The following AGAP2 variants were observed in gnomAD, a reference collection of about 807,000 sequenced individuals.
AGAP2 encodes the protein ArfGAP with GTPase domain, ankyrin repeat and PH domain 2, also known as arf-GAP with GTPase, ANK repeat and PH domain-containing protein 2.
A neutral mutation model predicts 110.9 loss-of-function variants in AGAP2; 32 were observed. That is an observed-to-expected ratio of 0.29 (90% CI 0.22 to 0.39). The LOEUF is 0.39. AGAP2 is among the 10% of genes least tolerant of loss of function. The pLI, the probability that AGAP2 is intolerant of heterozygous loss-of-function variation, is 1.00. For missense variants in AGAP2, 1,285 were observed against 1,638.5 expected (o/e 0.78, Z 3.72); for synonymous variants, 702 against 713.0 (o/e 0.98, Z 0.25).
Position 57,726,944 on chromosome 12 carries a change from G to A in AGAP2, c.3336+30C>T. On this transcript the variant is annotated intron_variant, in intron 18 of 18. Coordinates refer to ENST00000547588, the MANE Select transcript of AGAP2 (RefSeq NM_001122772.3). The surrounding 1 kb of genome is among the most constrained non-coding windows in gnomAD (Gnocchi z 5.7). ...GCGTTTTCCGAGATGAAGCCTCAAA[G>A]ACCCCCTTTCCTCCCCCCAGCTCAC... is the stretch of plus-strand genomic sequence containing the variant. The A allele has an allele frequency of 6.6e-7, 1 of 1,510,674 alleles. No individual in the cohort carries two copies. Among genetic ancestry groups the A allele is most frequent in the African/African-American group, 1.4e-5 (1 of 71,932 alleles). The allele number at this position is 1,510,674 out of a possible 1,614,324, so 93.6% of individuals were successfully genotyped here. A position where few individuals can be genotyped will look rare whatever the true frequency, so the allele number is the denominator to read the frequency against.
At chr12:57,724,277 T>C (rs1954728660), downstream of AGAP2, 1 of 152,254 alleles carries the variant, frequency 6.6e-6, no homozygotes, top group South Asian at 2.1e-4. Context: ...GAAGCAATTC[T>C]ACCCAAAGAT....
In AGAP2 at chr12:57,727,691, G is replaced by T. The variant is rs1404913612; in HGVS notation, c.2847C>A (p.Cys949Ter). The change falls in exon 16 of 19, where the codon TGC (cysteine) becomes TGA (stop). Residue 949 changes from cysteine (C) to a stop codon, truncating the protein, a stop_gained. Coordinates refer to ENST00000547588, the MANE Select transcript of AGAP2 (RefSeq NM_001122772.3). LOFTEE classifies it high-confidence loss of function. The part of the protein sequence containing the change: ...NAKGNSICVD[C>*]GAPNPTWASL... ...CCTCCTGGCACTCACTGGGGGCCCC[G>T]CAGTCCACGCAGATTGAATTCCCCT... is the stretch of plus-strand genomic sequence containing the variant. 1 of 1,605,994 alleles carries T rather than the reference G, an allele frequency of 6.2e-7. No homozygotes were observed.
rs1954914299 is a variant in AGAP2 at position 57,732,945 on chromosome 12, T to A, written c.1584A>T (p.Gly528=). The A allele has an allele frequency of 5.0e-6, 8 of 1,613,984 alleles. No homozygotes were observed. The East Asian group carries it at 1.8e-4, about 36-fold the overall frequency. Residue 528 remains glycine (G), a synonymous_variant, in exon 6 of 19, where the codon GGA becomes GGT. Coordinates refer to ENST00000547588, the MANE Select transcript of AGAP2 (RefSeq NM_001122772.3). ...RISASSPRVV[G]DARARALCAD... ...CGCACAGAGCTCTGGCACGAGCATC[T>A]CCCACCACCCGAGGGGAGGAAGCAC... is the stretch of plus-strand genomic sequence containing the variant.
intron 5 of AGAP2, 89 bp from the exon 6 acceptor site, chr12:57,733,068 A>C: frequency 6.5e-7 from 1 of 1,549,076 alleles, no homozygotes; most frequent in Non-Finnish European, 8.8e-7. Flanking sequence ...CTGGGCCCTC[A>C]GGCTGGGTCC....
chr12:57,727,176 G>A lies in AGAP2; in HGVS notation c.3134C>T (p.Ala1045Val), dbSNP rs1239530123. The A allele has an allele frequency of 1.9e-6, 3 of 1,609,906 alleles. No homozygotes were observed. Among genetic ancestry groups the A allele is most frequent in the Non-Finnish European group, 2.5e-6 (3 of 1,178,818 alleles). ...CGGCTCCTCCGAGGTGCTCAGCGGC[G>A]CCAGGAACAGTAGCTGCTCGTACTT... The part of the protein sequence containing the change: ...RAKYEQLLFL[A>V]PLSTSEEPLG... Residue 1045 changes from alanine to valine, a missense_variant, in exon 18 of 19, where the codon GCG (alanine) becomes GTG (valine). By Grantham distance (64) the Ala-to-Val change is moderately conservative. This residue lies in a region of AGAP2 where 201 missense variants were observed against 276.1 expected (regional missense o/e 0.73). Transcript: ENST00000547588.
In AGAP2 at chr12:57,727,201, T is replaced by C. The variant is rs1316799163; in HGVS notation, c.3109A>G (p.Lys1037Glu). The change falls in exon 18 of 19, where the codon AAG (lysine) becomes GAG (glutamate). Residue 1037 changes from lysine to glutamate, a missense_variant. Transcript: ENST00000547588. ...REERESWIRA[K>E]YEQLLFLAPL... ...GCCAGGAACAGTAGCTGCTCGTACT[T>C]GGCGCGAATCCACGACTCGCGCTCC... 1 of 1,611,688 alleles carries C rather than the reference T, an allele frequency of 6.2e-7. No homozygotes were observed. Among genetic ancestry groups the C allele is most frequent in the Non-Finnish European group, 8.5e-7 (1 of 1,179,588 alleles).
At chr12:57,741,922 G>A, upstream of AGAP2, 1 of 1,613,860 alleles carries the variant, frequency 6.2e-7, no homozygotes, top group Non-Finnish European at 8.5e-7. Flanking sequence ...CTCGAATGCT[G>A]TCCAATGAGG....
chr12:57,726,542 C>A lies in AGAP2; in HGVS notation c.*10G>T. 2 of 1,213,608 alleles carry A rather than the reference C, an allele frequency of 1.6e-6. No homozygotes were observed. The highest frequency in any genetic ancestry group is 3.9e-5 in the Admixed American group (1 of 25,534). 75.2% of individuals were successfully genotyped at this position (1,213,608 alleles called of 1,614,324 possible). On this transcript the variant is annotated 3_prime_UTR_variant, in exon 19 of 19. Coordinates refer to ENST00000547588, the MANE Select transcript of AGAP2 (RefSeq NM_001122772.3). This position sits in a 1 kb window ranked among gnomAD's most constrained non-coding sequence, Gnocchi z 5.7. ...CGCGTGGGGATGGGGGTGTCTCTCCCGCTGGGCAACTATACCAGCGCAACC... is the reference window on the plus strand; with the variant it reads ...CGCGTGGGGATGGGGGTGTCTCTCCAGCTGGGCAACTATACCAGCGCAACC...
chr12:57,735,657 G>T (rs1954967649), intron 1 of AGAP2, among the ~76,000 whole-genome samples: 1 of 152,216 alleles, frequency 6.6e-6, no homozygotes. Context: ...GAGCTAGCAA[G>T]ACAAAAATAC....
Position 57,726,911 on chromosome 12 carries a change from C to G in AGAP2, c.3336+63G>C, listed in dbSNP as rs1595079656. On this transcript the variant is annotated intron_variant, in intron 18 of 18. Transcript: ENST00000547588. This position sits in a 1 kb window ranked among gnomAD's most constrained non-coding sequence, Gnocchi z 5.7. ...TCCCTCTGGGAATTTCGGGCTTTCC[C>G]GCGCCAGGCGTTTTCCGAGATGAAG... is the stretch of plus-strand genomic sequence containing the variant. 4.7e-6 allele frequency: 7 copies of G among 1,490,888 alleles called. No individual in the cohort carries two copies. Among genetic ancestry groups the G allele is most frequent in the Non-Finnish European group, 6.2e-6 (7 of 1,126,558 alleles). The allele number at this position is 1,490,888 out of a possible 1,614,324, so 92.4% of individuals were successfully genotyped here.
At position 57,737,156 on chromosome 12, in the gene AGAP2, G is replaced by A. The variant is rs894321303; in HGVS notation, c.1091C>T (p.Pro364Leu). 3 of 1,573,318 alleles carry A rather than the reference G, an allele frequency of 1.9e-6. No homozygotes were observed. The African/African-American group carries it at 4.0e-5, about 21-fold the overall frequency. ...AGACAGGCTGGGGGGTCCGGGAAGG[G>A]GCCCGGAGCCAGGAGGCCCTCCTGT... Reference protein sequence around the residue: ...KSTGGPPGSGPLPGPPSLSSG... With the variant: ...KSTGGPPGSGLLPGPPSLSSG... The change falls in exon 1 of 19, where the codon CCC becomes CTC. Residue 364 changes from proline (P) to leucine (L), a missense_variant. Pro to Leu is a moderately conservative substitution (Grantham distance 98). Transcript: ENST00000547588. The surrounding 1 kb of genome is among the most constrained non-coding windows in gnomAD (Gnocchi z 5.9).
chr12:57,729,727 T>TA lies in AGAP2; in HGVS notation c.2468_2469insT (p.Glu823AspfsTer23). On this transcript the variant is annotated frameshift_variant, in exon 13 of 19. Coordinates refer to ENST00000547588, the MANE Select transcript of AGAP2 (RefSeq NM_001122772.3). LOFTEE classifies it high-confidence loss of function. Reference sequence around the variant, plus strand: ...TCTTCACCATGGGAGAAGGAGGGGGTTCCCGACTCAGGGGGCTCAGGTCTC... The same window carrying TA: ...TCTTCACCATGGGAGAAGGAGGGGGTATCCCGACTCAGGGGGCTCAGGTCTC... 1 of 1,613,714 alleles carries TA rather than the reference T, an allele frequency of 6.2e-7. No individual in the cohort carries two copies. Among genetic ancestry groups the TA allele is most frequent in the Non-Finnish European group, 8.5e-7 (1 of 1,179,818 alleles).
upstream of AGAP2, among the ~76,000 whole-genome samples, chr12:57,740,951 G>T (rs1396373674): frequency 3.3e-5 from 5 of 152,218 alleles, no homozygotes; most frequent in Non-Finnish European, 7.3e-5. Flanking sequence ...CAGGTAGGCA[G>T]GTAACAATGG....
upstream of AGAP2, among the ~76,000 whole-genome samples, chr12:57,740,933 C>T (rs1488636054): frequency 6.6e-6 from 1 of 152,216 alleles, no homozygotes; most frequent in East Asian, 1.9e-4. Context: ...GATCTCTTGA[C>T]AACCACCCAG....
At chr12:57,729,175 C>CAAA (rs766183934) in intron 13 of AGAP2, among the ~76,000 whole-genome samples, 9 of 36,352 alleles carry the variant, frequency 2.5e-4, no homozygotes, top group African/African-American at 9.3e-4. Flanking sequence ...GACTCCATCT[C>CAAA]AAAAAAAAAA....
chr12:57,739,558 G>A (rs1294802848), upstream of AGAP2, among the ~76,000 whole-genome samples: 1 of 152,176 alleles, frequency 6.6e-6, no homozygotes, highest in Non-Finnish European at 1.5e-5. Context: ...CCAGCTCTAG[G>A]AGGAGGGAGA....
At position 57,726,497 on chromosome 12, in the gene AGAP2, C is replaced by G; in HGVS notation, c.*55G>C. 4.3e-6 allele frequency: 5 copies of G among 1,171,138 alleles called. No individual in the cohort carries two copies. The allele number at this position is 1,171,138 out of a possible 1,614,324, so 72.5% of individuals were successfully genotyped here. Reference sequence around the variant, plus strand: ...GGGTGCGTCTGTCCAGCGGTCCGCCCGGTGTGGTCGTGCCCGGCCCGCGTG... The same window carrying G: ...GGGTGCGTCTGTCCAGCGGTCCGCCGGGTGTGGTCGTGCCCGGCCCGCGTG... On this transcript the variant is annotated 3_prime_UTR_variant, in exon 19 of 19. Transcript: ENST00000547588. This position sits in a 1 kb window ranked among gnomAD's most constrained non-coding sequence, Gnocchi z 5.7.
rs1555199665 is a variant in AGAP2, at chr12:57,737,211, T to C, written c.1036A>G (p.Lys346Glu). Residue 346 changes from lysine to glutamate, a missense_variant, in exon 1 of 19, where the codon AAG becomes GAG. Lys to Glu is a moderately conservative substitution (Grantham distance 56). Coordinates refer to ENST00000547588, the MANE Select transcript of AGAP2 (RefSeq NM_001122772.3). This position sits in a 1 kb window ranked among gnomAD's most constrained non-coding sequence, Gnocchi z 5.9. The stretch of plus-strand genomic sequence containing the variant: ...TTGGTGAAGATGCCGCTGATAAACT[T>C]GAGCATCTTGCGGTCACGAGTGGAT... ...RASTRDRKMLKFISGIFTKST... is the reference protein window; with the variant it reads ...RASTRDRKMLEFISGIFTKST... 6.2e-7 allele frequency: 1 copy of C among 1,606,948 alleles called. No individual in the cohort carries two copies. Among genetic ancestry groups the C allele is most frequent in the Non-Finnish European group, 8.5e-7 (1 of 1,176,998 alleles).
rs1167209961 is a variant in AGAP2 at position 57,725,872 on chromosome 12, C to T, written c.*680G>A. ...CTCCCAAGATAGTAGTGGGAGGGAC[C>T]CAGGCTCTTGGTTCCCCCCGGACTC... On this transcript the variant is annotated 3_prime_UTR_variant, in exon 19 of 19. Transcript: ENST00000547588. 2.0e-5 allele frequency: 3 copies of T among 151,924 alleles called. No individual in the cohort carries two copies. Among genetic ancestry groups the T allele is most frequent in the Non-Finnish European group, 4.4e-5 (3 of 67,984 alleles). 9.4% of individuals were successfully genotyped at this position (151,924 alleles called of 1,614,324 possible). A position where few individuals can be genotyped will look rare whatever the true frequency, so the allele number is the denominator to read the frequency against.
Sources: allele counts gnomAD v4.1 joint callset (sites outside exome capture counted in the v4.1 genomes callset), GRCh38; gene constraint gnomAD v4.1.1; regional missense constraint gnomAD v4.1.1; non-coding constraint Gnocchi (gnomAD v3.1); transcripts MANE v1.5; gene names NCBI Gene and HGNC (gene_info 2026-07-23, HGNC 2026-07-21).